The following PDZRN4 variants were observed in gnomAD, a reference collection of about 807,000 sequenced individuals.
The protein encoded by PDZRN4 is PDZ domain-containing RING finger protein 4.
In PDZRN4, 70 loss-of-function variants were observed where a neutral mutation model predicts 99.0. The ratio of observed to expected loss-of-function variants is 0.71; its 90% CI spans 0.58 to 0.86. PDZRN4 has a LOEUF of 0.86. Ranked by LOEUF, PDZRN4 falls within the 40% of genes least tolerant of loss-of-function variation. PDZRN4 has a pLI of 0.00. For synonymous variants in PDZRN4, 551 were observed against 501.6 expected (o/e 1.10, Z -1.32); for missense variants, 1,474 against 1,331.2 (o/e 1.11, Z -1.67).
chr12:41,316,367 T>C (rs912184330), intron 3 of PDZRN4, among the ~76,000 whole-genome samples: 8 of 152,096 alleles, frequency 5.3e-5, no homozygotes. Flanking sequence ...TTTCATTGTA[T>C]GATTAGTATT....
Position 41,189,101 on chromosome 12 carries a change from A to T in PDZRN4, c.646A>T (p.Arg216Trp). 1 of 1,578,676 alleles carries T rather than the reference A, an allele frequency of 6.3e-7. No homozygotes were observed. Reference sequence around the variant, plus strand: ...CGGCGACCTCGGTGGCGGCCACCGCAGGGTAAGCAAAGGGGGGTGGGCACC... The same window carrying T: ...CGGCGACCTCGGTGGCGGCCACCGCTGGGTAAGCAAAGGGGGGTGGGCACC... ...FVGDLGGGHR[R>W]DGEHKPFTIV... The change falls in exon 1 of 10, where the codon AGG (arginine) becomes TGG (tryptophan). Residue 216 changes from arginine to tryptophan, a missense_variant and splice_region_variant. Coordinates refer to ENST00000402685, the MANE Select transcript of PDZRN4 (RefSeq NM_001164595.2).
chr12:41,381,311 A>ACTTTCTCTCTCTCT (rs923627102), intron 3 of PDZRN4, among the ~76,000 whole-genome samples: 3 of 151,296 alleles, frequency 2.0e-5, no homozygotes, highest in African/African-American at 7.3e-5. Context: ...ACTTTCTGCA[A>ACTTTCTCTCTCTCT]CTTTCTCTCT....
At chr12:41,425,786 T>TTGCTTCAGATGCCA (rs1952530906) in intron 3 of PDZRN4, among the ~76,000 whole-genome samples, 1 of 152,218 alleles carries the variant, frequency 6.6e-6, no homozygotes, top group African/African-American at 2.4e-5. Context: ...ATGGGTCTTC[T>TTGCTTCAGATGCCA]TTAACCTACT....
chr12:41,428,964 T>A (rs563373883), intron 3 of PDZRN4, among the ~76,000 whole-genome samples: 1 of 152,278 alleles, frequency 6.6e-6, no homozygotes, highest in East Asian at 1.9e-4. Context: ...CAAACTTGAG[T>A]GCCTGAGAAT....
chr12:41,196,691 A>G (rs1950775449), intron 3 of PDZRN4, among the ~76,000 whole-genome samples: 1 of 152,072 alleles, frequency 6.6e-6, no homozygotes, highest in South Asian at 2.1e-4. Flanking sequence ...TTTGATGCTT[A>G]TCATTATTTT....
intron 3 of PDZRN4, among the ~76,000 whole-genome samples, chr12:41,456,300 G>A (rs577078901): frequency 2.9e-4 from 44 of 152,122 alleles, no homozygotes; most frequent in Non-Finnish European, 5.0e-4. Flanking sequence ...TTACTTGAAT[G>A]TACTTCTCCC....
intron 3 of PDZRN4, among the ~76,000 whole-genome samples, chr12:41,343,744 T>G (rs1454138772): frequency 6.6e-6 from 1 of 151,870 alleles, no homozygotes; most frequent in Non-Finnish European, 1.5e-5. Context: ...TTGAATGGTC[T>G]CACTACAAAT....
intron 3 of PDZRN4, among the ~76,000 whole-genome samples, chr12:41,459,402 T>C (rs1484582892): frequency 1.3e-5 from 2 of 152,182 alleles, no homozygotes; most frequent in Non-Finnish European, 2.9e-5. Flanking sequence ...CATATGCCTC[T>C]TTTGGCCAAC....
intron 3 of PDZRN4, among the ~76,000 whole-genome samples, chr12:41,490,989 C>A (rs1334144740): frequency 6.6e-6 from 1 of 152,074 alleles, no homozygotes; most frequent in Non-Finnish European, 1.5e-5. Context: ...CTCTAAGTAG[C>A]ACAGAACATT....
chr12:41,381,147 C>G (rs1380150269), intron 3 of PDZRN4, among the ~76,000 whole-genome samples: 1 of 152,120 alleles, frequency 6.6e-6, no homozygotes, highest in African/African-American at 2.4e-5. Flanking sequence ...AAAGTTCTCT[C>G]TTTGTCTTTC....
At chr12:41,198,793 A>G (rs1950795502) in intron 3 of PDZRN4, among the ~76,000 whole-genome samples, 5 of 152,264 alleles carry the variant, frequency 3.3e-5, no homozygotes, top group Admixed American at 3.3e-4. Flanking sequence ...AATAGTTCCC[A>G]CATTGAAGTG....
intron 3 of PDZRN4, among the ~76,000 whole-genome samples, chr12:41,463,963 C>A (rs1387676666): frequency 6.6e-6 from 1 of 152,110 alleles, no homozygotes; most frequent in African/African-American, 2.4e-5. Flanking sequence ...GCCAGCTTAC[C>A]CCCACAGGAG....
At chr12:41,368,034 C>T (rs1404229036) in intron 3 of PDZRN4, among the ~76,000 whole-genome samples, 1 of 152,068 alleles carries the variant, frequency 6.6e-6, no homozygotes, top group African/African-American at 2.4e-5. Flanking sequence ...ACTTGAGTTA[C>T]CTCCCTATCT....
At chr12:41,484,451 T>A (rs910529570) in intron 3 of PDZRN4, among the ~76,000 whole-genome samples, 1 of 152,204 alleles carries the variant, frequency 6.6e-6, no homozygotes, top group African/African-American at 2.4e-5. Flanking sequence ...GCTAGCTATG[T>A]GAGTTTAGGT....
chr12:41,346,324 C>T (rs1951854568), intron 3 of PDZRN4, among the ~76,000 whole-genome samples: 2 of 151,770 alleles, frequency 1.3e-5, no homozygotes, highest in African/African-American at 4.8e-5. Context: ...TAGCTGGGTG[C>T]GGTGGCGGGC....
intron 3 of PDZRN4, among the ~76,000 whole-genome samples, chr12:41,410,858 G>A (rs891986602): frequency 2.6e-5 from 4 of 152,038 alleles, no homozygotes; most frequent in Non-Finnish European, 5.9e-5. Flanking sequence ...TTTGTAGCAA[G>A]TGAAGCGTAG....
At chr12:41,449,482 T>A (rs1952756902) in intron 3 of PDZRN4, among the ~76,000 whole-genome samples, 1 of 152,116 alleles carries the variant, frequency 6.6e-6, no homozygotes, top group Admixed American at 6.6e-5. Context: ...ATGATGAAGG[T>A]GACACAATAG....
At chr12:41,296,627 G>T (rs1331548566) in intron 3 of PDZRN4, among the ~76,000 whole-genome samples, 2 of 152,076 alleles carry the variant, frequency 1.3e-5, no homozygotes, top group East Asian at 1.9e-4. Flanking sequence ...TCACAGTCAT[G>T]ATTTGGCTCC....
chr12:41,241,896 T>A (rs1951104158), intron 3 of PDZRN4, among the ~76,000 whole-genome samples: 1 of 152,220 alleles, frequency 6.6e-6, no homozygotes, highest in African/African-American at 2.4e-5. Flanking sequence ...AACTTTCCAG[T>A]ATAGCTTTGG....
Sources: allele counts gnomAD v4.1 joint callset (sites outside exome capture counted in the v4.1 genomes callset), GRCh38; gene constraint gnomAD v4.1.1; transcripts MANE v1.5; gene names NCBI Gene and HGNC (gene_info 2026-07-23, HGNC 2026-07-21).